Variants in PDCD1LG2 observed in about 807,000 individuals in gnomAD.
The protein encoded by PDCD1LG2 is B7 dendritic cell molecule.
PDCD1LG2 carries 32 observed loss-of-function variants against 28.2 expected under a neutral mutation model. The observed-to-expected ratio is 1.13, with a 90% CI of 0.86 to 1.52. The LOEUF is 1.52. PDCD1LG2 is among the 40% of genes most tolerant of loss of function. The pLI, the probability that PDCD1LG2 is intolerant of heterozygous loss-of-function variation, is 0.00. For synonymous variants in PDCD1LG2, 116 were observed against 120.2 expected, an observed-to-expected ratio of 0.97 and a Z score of 0.23; for missense variants, 385 against 323.8, an observed-to-expected ratio of 1.19 and a Z score of -1.45.
chr9:5,545,771 A>C (rs1816191406), intron 3 of PDCD1LG2, among the ~76,000 whole-genome samples: 1 of 152,198 alleles, frequency 6.6e-6, no homozygotes, highest in Non-Finnish European at 1.5e-5. Flanking sequence ...ATCTTGACCT[A>C]ATAGACATAT....
intron 1 of PDCD1LG2, among the ~76,000 whole-genome samples, chr9:5,513,789 G>T (rs751539871): frequency 3.9e-5 from 6 of 152,210 alleles, no homozygotes; most frequent in Non-Finnish European, 8.8e-5. Context: ...TATTGGGTTT[G>T]TCAGGCAACA....
intron 1 of PDCD1LG2, among the ~76,000 whole-genome samples, chr9:5,511,228 T>C (rs1820051165): frequency 6.6e-6 from 1 of 152,190 alleles, no homozygotes; most frequent in African/African-American, 2.4e-5. Flanking sequence ...AAGCTATGCC[T>C]AAGAGGCAGC....
intron 3 of PDCD1LG2, among the ~76,000 whole-genome samples, chr9:5,541,858 C>A (rs938114301): frequency 6.6e-6 from 1 of 151,930 alleles, no homozygotes; most frequent in Non-Finnish European, 1.5e-5. Flanking sequence ...CAAAAAAGAG[C>A]CCACATAGCC....
chr9:5,566,292 C>A (rs1022687377), intron 6 of PDCD1LG2, among the ~76,000 whole-genome samples: 4 of 152,214 alleles, frequency 2.6e-5, no homozygotes, highest in African/African-American at 9.7e-5. Flanking sequence ...TAACCAGCAA[C>A]TGAAGCAAGA....
rs770662895 is a variant in PDCD1LG2 at position 5,534,876 on chromosome 9, G to T, written c.187G>T (p.Glu63Ter). 3 of 1,614,172 alleles carry T rather than the reference G, an allele frequency of 1.9e-6. No homozygotes were observed. In the East Asian group the frequency reaches 6.7e-5, roughly 36 times the overall value. ...GAITASLQKV[E>*]NDTSPHRERA... ...AATAACAGCCAGTTTGCAAAAGGTG[G>T]AAAATGATACATCCCCACACCGTGA... The change falls in exon 3 of 7, where the codon GAA (glutamate) becomes TAA (stop). Residue 63 changes from glutamate (E) to a stop codon, truncating the protein, a stop_gained. Coordinates refer to ENST00000397747, the MANE Select transcript of PDCD1LG2 (RefSeq NM_025239.4). LOFTEE classifies it high-confidence loss of function.
At chr9:5,535,755 A>G (rs1186209653) in intron 3 of PDCD1LG2, among the ~76,000 whole-genome samples, 2 of 152,202 alleles carry the variant, frequency 1.3e-5, no homozygotes, top group African/African-American at 4.8e-5. Flanking sequence ...TGGGTAGCCC[A>G]AGAGAGTCCC....
chr9:5,562,584 C>A (rs546246909), intron 5 of PDCD1LG2, among the ~76,000 whole-genome samples: 1 of 152,142 alleles, frequency 6.6e-6, no homozygotes, highest in East Asian at 1.9e-4. Context: ...TCAGACTTCA[C>A]CAGTATACAA....
chr9:5,557,148 A>G (rs1254321472), intron 4 of PDCD1LG2, among the ~76,000 whole-genome samples: 1 of 152,184 alleles, frequency 6.6e-6, no homozygotes, highest in African/African-American at 2.4e-5. Flanking sequence ...TGGGGGAAAG[A>G]CATTTTTGGG....
At chr9:5,566,437 C>T (rs900774036) in intron 6 of PDCD1LG2, among the ~76,000 whole-genome samples, 8 of 152,162 alleles carry the variant, frequency 5.3e-5, no homozygotes, top group African/African-American at 1.7e-4. Flanking sequence ...TCATGTAACT[C>T]GCTTTGGTCA....
rs756207027 is a variant in PDCD1LG2, at chr9:5,568,679, C to G, written c.817-1275C>G. 4.6e-5 allele frequency among the ~76,000 whole-genome samples: 7 copies of G among 152,140 alleles called. No individual in the cohort carries two copies. The East Asian group carries it at 1.3e-3, about 29-fold the overall frequency. On this transcript the variant is annotated intron_variant, in intron 6 of 6. Coordinates refer to ENST00000397747, the MANE Select transcript of PDCD1LG2 (RefSeq NM_025239.4). ...CCTTACCATCAATCCTCAGAAATAC[C>G]CAACCCATGTCAGGCAACTTCACAC...
intron 4 of PDCD1LG2, 132 bp downstream of exon 4, chr9:5,549,736 T>C: frequency 8.7e-7 from 1 of 1,143,194 alleles, no homozygotes; most frequent in South Asian, 1.6e-5. Flanking sequence ...TTGGAGAAAC[T>C]ACAAAGGATA....
chr9:5,548,207 G>C (rs1379050283), intron 3 of PDCD1LG2, among the ~76,000 whole-genome samples: 1 of 152,016 alleles, frequency 6.6e-6, no homozygotes, highest in East Asian at 1.9e-4. Context: ...CTGTTTCTAT[G>C]GGATCTACTT....
intron 3 of PDCD1LG2, among the ~76,000 whole-genome samples, chr9:5,543,931 G>C (rs1820743898): frequency 6.6e-6 from 1 of 152,138 alleles, no homozygotes; most frequent in African/African-American, 2.4e-5. Context: ...TTCCTTTTCA[G>C]GCAATTTAAC....
intron 3 of PDCD1LG2, among the ~76,000 whole-genome samples, chr9:5,548,446 T>C (rs1475564249): frequency 6.6e-6 from 1 of 152,250 alleles, no homozygotes; most frequent in Non-Finnish European, 1.5e-5. Context: ...TTGTGAATCA[T>C]GCTGAAATGA....
rs148460572 is a variant in PDCD1LG2 at position 5,521,093 on chromosome 9, C to T, written c.-14-1440C>T. ...AGATGAACCTTGACAACATTATGTT[C>T]GGTGAAAAAAGCCAGCCACAAAAGT... On this transcript the variant is annotated intron_variant, in intron 1 of 6. Coordinates refer to ENST00000397747, the MANE Select transcript of PDCD1LG2 (RefSeq NM_025239.4). Among the ~76,000 whole-genome samples the T allele has an allele frequency of 4.7e-4, 71 of 152,172 alleles. 1 individual carries two copies. Among genetic ancestry groups the T allele is most frequent in the Admixed American group, 1.2e-3 (18 of 15,294 alleles).
At position 5,561,362 on chromosome 9, in the gene PDCD1LG2, C is replaced by T. The variant is rs1306873394; in HGVS notation, c.767-1800C>T. Among the ~76,000 whole-genome samples, 5 of 152,146 alleles carry T rather than the reference C, an allele frequency of 3.3e-5. No individual in the cohort carries two copies. In the South Asian group the frequency reaches 1.0e-3, roughly 32 times the overall value. On this transcript the variant is annotated intron_variant, in intron 5 of 6. Transcript: ENST00000397747. Reference sequence around the variant, plus strand: ...TTCTCATTTAATTTCACAAAAATTGCTTGTGGCAAGGAGAAGTGTCTTTAT... The same window carrying T: ...TTCTCATTTAATTTCACAAAAATTGTTTGTGGCAAGGAGAAGTGTCTTTAT...
At chr9:5,520,406 G>A in intron 1 of PDCD1LG2, among the ~76,000 whole-genome samples, 1 of 152,114 alleles carries the variant, frequency 6.6e-6, no homozygotes, top group Admixed American at 6.5e-5. Context: ...AACAAATTTG[G>A]AACTAAAGTT....
At chr9:5,540,574 C>T (rs989517999) in intron 3 of PDCD1LG2, among the ~76,000 whole-genome samples, 1 of 152,084 alleles carries the variant, frequency 6.6e-6, no homozygotes, top group African/African-American at 2.4e-5. Flanking sequence ...TTATTCAAGG[C>T]CACTATGAAC....
At chr9:5,526,538 A>T (rs1309848469) in intron 2 of PDCD1LG2, among the ~76,000 whole-genome samples, 1 of 152,266 alleles carries the variant, frequency 6.6e-6, no homozygotes, top group Non-Finnish European at 1.5e-5. Flanking sequence ...CCCAGGCTCA[A>T]GTGAGTCTCC....
Sources: allele counts gnomAD v4.1 joint callset (sites outside exome capture counted in the v4.1 genomes callset), GRCh38; gene constraint gnomAD v4.1.1; transcripts MANE v1.5; gene names NCBI Gene and HGNC (gene_info 2026-07-23, HGNC 2026-07-21).